Variants in GPC5 observed in about 807,000 individuals in gnomAD.
The protein encoded by GPC5 is glypican 5.
Under a neutral mutation model 53.9 loss-of-function variants are expected in GPC5, and 47 were observed. The observed-to-expected ratio is 0.87, with a 90% CI of 0.69 to 1.11. GPC5 has a LOEUF of 1.11. GPC5 is among the 50% of genes most tolerant of loss of function. The pLI, the probability that GPC5 is intolerant of heterozygous loss-of-function variation, is 0.00. For missense variants in GPC5, 748 were observed against 713.1 expected (o/e 1.05, Z -0.56); for synonymous variants, 286 against 263.3 (o/e 1.09, Z -0.84).
intron 2 of GPC5, among the ~76,000 whole-genome samples, chr13:91,502,688 C>G (rs1160484213): frequency 6.6e-6 from 1 of 152,284 alleles, no homozygotes; most frequent in South Asian, 2.1e-4. Flanking sequence ...CACCCTGAAC[C>G]ACCCAGCACC....
chr13:92,109,828 A>G (rs2041542480), intron 6 of GPC5, among the ~76,000 whole-genome samples: 1 of 152,152 alleles, frequency 6.6e-6, no homozygotes, highest in Admixed American at 6.5e-5. Flanking sequence ...TGATTCTTTC[A>G]TTTGATTTAT....
chr13:91,763,833 T>C (rs2037467223), intron 5 of GPC5, among the ~76,000 whole-genome samples: 2 of 152,150 alleles, frequency 1.3e-5, no homozygotes, highest in Non-Finnish European at 2.9e-5. Context: ...GGGAATTGTG[T>C]CCAGGACCTC....
chr13:91,572,974 G>A (rs534843577), intron 2 of GPC5, among the ~76,000 whole-genome samples: 162 of 152,192 alleles, frequency 1.1e-3, no homozygotes, highest in Admixed American at 2.8e-3. Flanking sequence ...CCGGAGAAAA[G>A]GAAAGCAACT....
chr13:92,024,944 G>C (rs1390041120), intron 6 of GPC5, among the ~76,000 whole-genome samples: 2 of 152,118 alleles, frequency 1.3e-5, no homozygotes, highest in Non-Finnish European at 2.9e-5. Flanking sequence ...AAATTTGTGA[G>C]TAGAGTTGAA....
At chr13:91,586,066 C>A (rs2032554798) in intron 2 of GPC5, among the ~76,000 whole-genome samples, 1 of 136,234 alleles carries the variant, frequency 7.3e-6, no homozygotes, top group African/African-American at 2.7e-5. Context: ...AAAAAGATTT[C>A]TTGATCTTAT....
intron 2 of GPC5, among the ~76,000 whole-genome samples, chr13:91,643,592 T>C (rs1000103799): frequency 6.6e-6 from 1 of 152,234 alleles, no homozygotes; most frequent in Non-Finnish European, 1.5e-5. Flanking sequence ...TGCCAAAAAC[T>C]GGGCAGCTTA....
intron 7 of GPC5, among the ~76,000 whole-genome samples, chr13:92,810,555 T>A (rs1779286746): frequency 6.6e-6 from 1 of 151,812 alleles, no homozygotes. Flanking sequence ...TTTTTTACTG[T>A]CCCAAACAAG....
chr13:91,983,314 T>C (rs1454326434), intron 6 of GPC5, among the ~76,000 whole-genome samples: 6 of 151,224 alleles, frequency 4.0e-5, no homozygotes, highest in East Asian at 2.0e-4. Context: ...CCACTGCACT[T>C]CAGCCTGGGC....
intron 5 of GPC5, among the ~76,000 whole-genome samples, chr13:91,860,082 TC>T (rs1455878610): frequency 1.3e-5 from 2 of 152,118 alleles, no homozygotes; most frequent in African/African-American, 4.8e-5. Context: ...ACATTCAATA[TC>T]CTTTGCTAAC....
intron 7 of GPC5, among the ~76,000 whole-genome samples, chr13:92,814,170 A>T (rs1010588826): frequency 6.6e-6 from 1 of 152,008 alleles, no homozygotes; most frequent in Non-Finnish European, 1.5e-5. Context: ...TTGGGTATAG[A>T]TATAAACTTT....
At chr13:92,837,090 C>T (rs112228787) in intron 7 of GPC5, among the ~76,000 whole-genome samples, 1,601 of 152,166 alleles carry the variant, frequency 0.011, 21 homozygotes, top group Admixed American at 0.018. Context: ...ACCTTGCAAG[C>T]TTCCAGACTG....
chr13:92,672,212 G>A (rs2139207244), intron 7 of GPC5, among the ~76,000 whole-genome samples: 1 of 152,190 alleles, frequency 6.6e-6, no homozygotes, highest in South Asian at 2.1e-4. Context: ...TCTTGCCCCA[G>A]AAAAGCCATT....
intron 7 of GPC5, among the ~76,000 whole-genome samples, chr13:92,558,165 A>C (rs780609736): frequency 6.6e-6 from 1 of 152,034 alleles, no homozygotes; most frequent in Non-Finnish European, 1.5e-5. Context: ...CATCTGTGGC[A>C]TAATTGATAG....
At chr13:92,818,209 C>A (rs1877547066) in intron 7 of GPC5, among the ~76,000 whole-genome samples, 1 of 151,676 alleles carries the variant, frequency 6.6e-6, no homozygotes, top group African/African-American at 2.4e-5. Flanking sequence ...TGGGGTTCAC[C>A]ATATTGGCCA....
intron 7 of GPC5, among the ~76,000 whole-genome samples, chr13:92,788,010 G>A (rs947419168): frequency 2.6e-5 from 4 of 151,952 alleles, no homozygotes; most frequent in South Asian, 2.1e-4. Context: ...TCCAAATGTC[G>A]AGAATGACAT....
In GPC5 at chr13:92,585,856, T is replaced by C. The variant is rs1883521854; in HGVS notation, c.1562-280426T>C. Among the ~76,000 whole-genome samples the C allele has an allele frequency of 2.6e-5, 4 of 152,308 alleles. 1 individual carries two copies. In the South Asian group the frequency reaches 8.3e-4, roughly 32 times the overall value. On this transcript the variant is annotated intron_variant, in intron 7 of 7. Transcript: ENST00000377067. ...GTCCTGCACAAGCTCTCTCTTTGCC[T>C]GCTGCCATTCACATAAGACATGACT... is the stretch of plus-strand genomic sequence containing the variant.
At chr13:92,843,918 C>T (rs1480801578) in intron 7 of GPC5, among the ~76,000 whole-genome samples, 4 of 151,524 alleles carry the variant, frequency 2.6e-5, no homozygotes. Context: ...AGGGACAGGA[C>T]CTCATATGTC....
intron 2 of GPC5, among the ~76,000 whole-genome samples, chr13:91,556,522 G>GTA (rs202160698): frequency 0.021 from 3,103 of 147,556 alleles, 100 homozygotes; most frequent in African/African-American, 0.069. Flanking sequence ...TGCAGTATGT[G>GTA]TATATATATA....
At chr13:92,029,250 C>T (rs1014719413) in intron 6 of GPC5, among the ~76,000 whole-genome samples, 1 of 152,084 alleles carries the variant, frequency 6.6e-6, no homozygotes, top group Non-Finnish European at 1.5e-5. Flanking sequence ...CCATAATGAA[C>T]ATGCACTAGG....
Sources: gnomAD v4.1 joint callset for allele counts (sites outside exome capture counted in the v4.1 genomes callset) on GRCh38, gnomAD v4.1.1 for gene constraint, MANE v1.5 for transcripts, NCBI Gene and HGNC (gene_info 2026-07-23, HGNC 2026-07-21) for gene names.